Variants in PATJ observed in about 807,000 individuals in gnomAD.
The protein encoded by PATJ is PATJ crumbs cell polarity complex component.
PATJ carries 190 observed loss-of-function variants against 224.9 expected under a neutral mutation model. The ratio of observed to expected loss-of-function variants is 0.84; its 90% CI spans 0.75 to 0.95. The LOEUF is 0.95. PATJ is among the 40% of genes least tolerant of loss of function. The probability of loss-of-function intolerance (pLI) is 0.00; values close to 1 mark genes in which losing one functional copy is unlikely to be tolerated. For missense variants in PATJ, 2,121 were observed against 2,270.3 expected, an observed-to-expected ratio of 0.93 and a Z score of 1.34; for synonymous variants, 769 against 820.3, an observed-to-expected ratio of 0.94 and a Z score of 1.07.
chr1:61,755,236 G>A (rs1231324915), intron 1 of PATJ, among the ~76,000 whole-genome samples: 1 of 151,152 alleles, frequency 6.6e-6, no homozygotes, highest in African/African-American at 2.4e-5. Context: ...GTGAACCCAG[G>A]AGGTGGAGCT....
At chr1:62,136,540 T>C (rs764302474) in intron 41 of PATJ, among the ~76,000 whole-genome samples, 47 of 151,204 alleles carry the variant, frequency 3.1e-4, no homozygotes, top group Admixed American at 1.7e-3. Context: ...ATGCCAGCTT[T>C]CTCAGGGATC....
intron 28 of PATJ, among the ~76,000 whole-genome samples, chr1:61,994,279 TTCC>T (rs1488921318): frequency 4.6e-5 from 7 of 152,216 alleles, no homozygotes. Flanking sequence ...CTCACAGAGC[TTCC>T]AGTCTAGTGA....
At chr1:61,879,140 A>C (rs557271832) in intron 21 of PATJ, among the ~76,000 whole-genome samples, 2 of 152,226 alleles carry the variant, frequency 1.3e-5, no homozygotes, top group Non-Finnish European at 2.9e-5. Context: ...TCTTATAAAC[A>C]TGATAAAAAC....
In PATJ at chr1:62,024,657, AACACACACACACAC is replaced by A. The variant is rs10605703; in HGVS notation, c.3959+6756_3959+6769del. The stretch of plus-strand genomic sequence containing the variant: ...GGTAGACCCCCACTTCCCACCTCCC[AACACACACACACAC>A]ACACACACACACACACACACACACA... On this transcript the variant is annotated intron_variant, in intron 29 of 43. Coordinates refer to ENST00000642238, the MANE Select transcript of PATJ (RefSeq NM_001350145.3). Among the ~76,000 whole-genome samples the A allele has an allele frequency of 5.1e-3, 548 of 107,724 alleles. 1 individual carries two copies. The highest frequency in any genetic ancestry group is 9.8e-3 in the African/African-American group (264 of 26,892). The allele number at this position is 107,724 out of a possible 152,430, so 70.7% of individuals were successfully genotyped here.
At chr1:62,021,485 T>C (rs1473004245) in intron 29 of PATJ, among the ~76,000 whole-genome samples, 2 of 152,228 alleles carry the variant, frequency 1.3e-5, no homozygotes, top group Non-Finnish European at 2.9e-5. Context: ...GAAAGCTTTA[T>C]TGAATAAATT....
chr1:61,910,429 T>C (rs936828136), intron 25 of PATJ, among the ~76,000 whole-genome samples: 6 of 152,148 alleles, frequency 3.9e-5, no homozygotes, highest in African/African-American at 1.4e-4. Context: ...TCATCAGGCA[T>C]TGAACCATCT....
intron 28 of PATJ, among the ~76,000 whole-genome samples, chr1:61,998,711 C>T (rs12745227): frequency 0.18 from 27,841 of 152,064 alleles, 2,716 homozygotes; most frequent in Non-Finnish European, 0.21. Flanking sequence ...TCATAGAGTT[C>T]GAGTTTTATT....
intron 28 of PATJ, among the ~76,000 whole-genome samples, chr1:62,012,601 C>T (rs1379209653): frequency 6.6e-6 from 1 of 152,076 alleles, no homozygotes; most frequent in Non-Finnish European, 1.5e-5. Context: ...TAAAATATAT[C>T]ATTCTTTCCA....
intron 28 of PATJ, among the ~76,000 whole-genome samples, chr1:62,014,744 G>T (rs1354586860): frequency 6.6e-6 from 1 of 150,794 alleles, no homozygotes; most frequent in Non-Finnish European, 1.5e-5. Flanking sequence ...TTTTTATATT[G>T]TTTGTCAAGA....
At chr1:62,132,156 TA>T (rs1666331599) in intron 41 of PATJ, among the ~76,000 whole-genome samples, 1 of 152,164 alleles carries the variant, frequency 6.6e-6, no homozygotes, top group Non-Finnish European at 1.5e-5. Flanking sequence ...CTGAATGAAT[TA>T]TTAGTAGCAT....
intron 41 of PATJ, among the ~76,000 whole-genome samples, chr1:62,130,254 A>G (rs1483095726): frequency 6.6e-6 from 1 of 152,228 alleles, no homozygotes; most frequent in Non-Finnish European, 1.5e-5. Context: ...GGATGGCTTG[A>G]GCCCAAGAGT....
intron 27 of PATJ, among the ~76,000 whole-genome samples, chr1:61,943,101 C>T (rs965784370): frequency 8.5e-5 from 13 of 152,214 alleles, no homozygotes; most frequent in African/African-American, 3.1e-4. Context: ...AATGCTGCTA[C>T]ATTCTCATCA....
intron 27 of PATJ, among the ~76,000 whole-genome samples, chr1:61,952,951 A>T (rs1421933102): frequency 6.6e-6 from 1 of 152,212 alleles, no homozygotes; most frequent in African/African-American, 2.4e-5. Context: ...CTTTTTCTAA[A>T]TTGTAAAATA....
At chr1:61,780,337 T>A (rs950685523) in intron 7 of PATJ, among the ~76,000 whole-genome samples, 13 of 152,158 alleles carry the variant, frequency 8.5e-5, no homozygotes, top group Non-Finnish European at 1.8e-4. Flanking sequence ...TGGAGGTGCA[T>A]GCCCATAATC....
chr1:62,149,522 C>T (rs1025657936), intron 42 of PATJ, among the ~76,000 whole-genome samples: 1 of 151,766 alleles, frequency 6.6e-6, no homozygotes, highest in Non-Finnish European at 1.5e-5. Flanking sequence ...ACCTTTTTCT[C>T]ATTATAAAAG....
chr1:61,939,855 G>A (rs566388549), intron 27 of PATJ, among the ~76,000 whole-genome samples: 32 of 151,600 alleles, frequency 2.1e-4, no homozygotes, highest in African/African-American at 7.0e-4. Context: ...TATATTTTTA[G>A]TAGAGACATG....
In PATJ at chr1:61,884,451, G is replaced by GTTTTTT. The variant is rs72229771; in HGVS notation, c.3131+60_3131+65dup. Reference sequence around the variant, plus strand: ...TTTGTTTTCACATTATAAAATAGTGGTTTTTTTTTTTTTTTTTTTTTTGCT... The same window carrying GTTTTTT: ...TTTGTTTTCACATTATAAAATAGTGGTTTTTTTTTTTTTTTTTTTTTTTTTTTTGCT... On this transcript the variant is annotated intron_variant, in intron 22 of 43. Coordinates refer to ENST00000642238, the MANE Select transcript of PATJ (RefSeq NM_001350145.3). The GTTTTTT allele has an allele frequency of 3.7e-5, 24 of 642,942 alleles. No homozygotes were observed. In the African/African-American group the frequency reaches 4.8e-4, roughly 13 times the overall value. 39.8% of individuals were successfully genotyped at this position (642,942 alleles called of 1,614,324 possible).
chr1:61,903,288 G>C (rs971531427), intron 24 of PATJ, among the ~76,000 whole-genome samples: 1 of 152,134 alleles, frequency 6.6e-6, no homozygotes, highest in East Asian at 1.9e-4. Context: ...TATTTTGCAG[G>C]TGAATAATAG....
chr1:61,878,950 A>T (rs1667724568), intron 21 of PATJ, among the ~76,000 whole-genome samples: 1 of 151,540 alleles, frequency 6.6e-6, no homozygotes, highest in South Asian at 2.1e-4. Context: ...CACCCGGCTA[A>T]TTTTTTTGTA....
Sources: allele counts gnomAD v4.1 joint callset (sites outside exome capture counted in the v4.1 genomes callset), GRCh38; gene constraint gnomAD v4.1.1; transcripts MANE v1.5; gene names NCBI Gene and HGNC (gene_info 2026-07-23, HGNC 2026-07-21).